Variants in TENM3 observed in about 807,000 individuals in gnomAD.
TENM3 encodes teneurin transmembrane protein 3.
In TENM3, 63 loss-of-function variants were observed where a neutral mutation model predicts 255.1. That is an observed-to-expected ratio of 0.25 (90% CI 0.20 to 0.30). TENM3 has a LOEUF of 0.30. Ranked by LOEUF, TENM3 falls within the 10% of genes least tolerant of loss-of-function variation. The pLI, the probability that TENM3 is intolerant of heterozygous loss-of-function variation, is 1.00. For synonymous variants in TENM3, 1,306 were observed against 1,322.3 expected, an observed-to-expected ratio of 0.99 and a Z score of 0.27; for missense variants, 2,929 against 3,461.1, an observed-to-expected ratio of 0.85 and a Z score of 3.86.
At chr4:181,940,169 G>GT in the TENM3 span, among the ~76,000 whole-genome samples, 3 of 152,180 alleles carry the variant, frequency 2.0e-5, no homozygotes, top group Non-Finnish European at 4.4e-5. Context: ...CATACACAAA[G>GT]TGTCTTGTTT....
At chr4:182,539,738 C>T (rs1339237182) in intron 3 of TENM3, among the ~76,000 whole-genome samples, 1 of 152,178 alleles carries the variant, frequency 6.6e-6, no homozygotes, top group Non-Finnish European at 1.5e-5. Context: ...ATGTGTCATG[C>T]ACTGTTCTAG....
chr4:182,154,291 C>T (rs1303526554), intron 1 of TENM3, among the ~76,000 whole-genome samples: 1 of 151,842 alleles, frequency 6.6e-6, no homozygotes, highest in African/African-American at 2.4e-5. Context: ...AAAAGAATAG[C>T]CCATCGGGGA....
chr4:182,797,013 G>C lies in TENM3; in HGVS notation c.7344+246G>C, dbSNP rs190729393. Among the ~76,000 whole-genome samples, 73 of 152,302 alleles carry C rather than the reference G, an allele frequency of 4.8e-4. No individual in the cohort carries two copies. The East Asian group carries it at 0.014, about 29-fold the overall frequency. ...GAAATGCAGAAGCTCACTTTCGAGTGCTGGGTTTCTAAAAAGAACCCCAAG... is the reference window on the plus strand; with the variant it reads ...GAAATGCAGAAGCTCACTTTCGAGTCCTGGGTTTCTAAAAAGAACCCCAAG... On this transcript the variant is annotated intron_variant, in intron 27 of 27. Transcript: ENST00000511685.
chr4:181,705,553 A>T, the TENM3 span, among the ~76,000 whole-genome samples: 389 of 152,088 alleles, frequency 2.6e-3, no homozygotes, highest in Admixed American at 3.9e-3. Context: ...AAACCATGAC[A>T]TTCAATCTTA....
At chr4:181,876,030 C>G in the TENM3 span, among the ~76,000 whole-genome samples, 1 of 152,214 alleles carries the variant, frequency 6.6e-6, no homozygotes, top group Non-Finnish European at 1.5e-5. Context: ...ACAATGTCCT[C>G]TGGACTATAT....
At chr4:182,174,692 A>G (rs1165518502) in intron 1 of TENM3, among the ~76,000 whole-genome samples, 1 of 151,978 alleles carries the variant, frequency 6.6e-6, no homozygotes, top group Non-Finnish European at 1.5e-5. Context: ...AAACTGGAGA[A>G]CTCTAGTCCA....
the TENM3 span, among the ~76,000 whole-genome samples, chr4:181,561,909 G>C: frequency 1.3e-5 from 2 of 152,150 alleles, no homozygotes; most frequent in Non-Finnish European, 2.9e-5. Context: ...CCTCCAACTC[G>C]CAGGATGGGA....
At chr4:181,923,015 G>A in the TENM3 span, among the ~76,000 whole-genome samples, 6 of 152,142 alleles carry the variant, frequency 3.9e-5, no homozygotes, top group African/African-American at 1.4e-4. Flanking sequence ...TCAGGAGCAG[G>A]TTGTTCAGTT....
At chr4:181,646,477 TAGGATCATGGGGCA>T in the TENM3 span, among the ~76,000 whole-genome samples, 2 of 152,274 alleles carry the variant, frequency 1.3e-5, no homozygotes, top group African/African-American at 4.8e-5. Context: ...AAATGATTTC[TAGGATCATGGGGCA>T]AGGAGCATTC....
chr4:182,101,202 A>G, the TENM3 span, among the ~76,000 whole-genome samples: 7 of 35,718 alleles, frequency 2.0e-4, 1 homozygote, highest in African/African-American at 2.9e-4. Flanking sequence ...GAGGAAGGAA[A>G]GAAGGGAGGG....
Position 182,601,120 on chromosome 4 carries a change from G to A in TENM3, c.708G>A (p.Gln236=), listed in dbSNP as rs771777476. 1 of 1,613,784 alleles carries A rather than the reference G, an allele frequency of 6.2e-7. No individual in the cohort carries two copies. The highest frequency in any genetic ancestry group is 8.5e-7 in the Non-Finnish European group (1 of 1,179,828). Residue 236 remains glutamine (Q), a synonymous_variant, in exon 4 of 28, where the codon CAG becomes CAA. Transcript: ENST00000511685. The part of the protein sequence containing the change: ...LQTTPESVQL[Q]DSWVLGSNVP... ...CCACACCCGAGTCCGTCCAGCTGCAGGACAGCTGGGTCCTTGGCAGTAATG... is the reference window on the plus strand; with the variant it reads ...CCACACCCGAGTCCGTCCAGCTGCAAGACAGCTGGGTCCTTGGCAGTAATG...
chr4:182,639,296 A>G (rs1475118874), intron 5 of TENM3, among the ~76,000 whole-genome samples: 3 of 152,196 alleles, frequency 2.0e-5, no homozygotes, highest in Admixed American at 6.5e-5. Context: ...TAACTATGTA[A>G]TCTTGAACAG....
intron 3 of TENM3, among the ~76,000 whole-genome samples, chr4:182,497,277 T>G (rs1735867187): frequency 6.6e-6 from 1 of 152,114 alleles, no homozygotes; most frequent in African/African-American, 2.4e-5. Flanking sequence ...GGCCTTGATC[T>G]CCTGACCTAG....
intron 1 of TENM3, among the ~76,000 whole-genome samples, chr4:182,216,407 T>G (rs975693403): frequency 1.3e-5 from 2 of 152,210 alleles, no homozygotes; most frequent in Non-Finnish European, 2.9e-5. Flanking sequence ...GCAGTTCCAC[T>G]GCACTAGATC....
At chr4:181,784,538 T>C in the TENM3 span, among the ~76,000 whole-genome samples, 5 of 152,196 alleles carry the variant, frequency 3.3e-5, no homozygotes, top group Admixed American at 3.3e-4. Flanking sequence ...GTTGTGTTTT[T>C]ATTTATAGTT....
At chr4:182,798,666 T>G (rs903932355) in intron 27 of TENM3, among the ~76,000 whole-genome samples, 1 of 152,212 alleles carries the variant, frequency 6.6e-6, no homozygotes, top group African/African-American at 2.4e-5. Context: ...CCAACATGCC[T>G]GAAAACACCT....
chr4:181,566,362 A>G, the TENM3 span, among the ~76,000 whole-genome samples: 7 of 152,222 alleles, frequency 4.6e-5, no homozygotes, highest in Non-Finnish European at 8.8e-5. Context: ...GACCTTTGCC[A>G]ATGAACTCAA....
chr4:182,708,889 G>A (rs1401188867), intron 12 of TENM3, among the ~76,000 whole-genome samples: 4 of 151,996 alleles, frequency 2.6e-5, no homozygotes, highest in African/African-American at 9.7e-5. Flanking sequence ...TGTGTCCCAC[G>A]TGGGTGTTCT....
the TENM3 span, among the ~76,000 whole-genome samples, chr4:181,620,002 C>T: frequency 1.3e-5 from 2 of 152,062 alleles, no homozygotes; most frequent in Non-Finnish European, 2.9e-5. Context: ...TTAAAATATG[C>T]TCTTCTCCCT....
Sources: allele counts gnomAD v4.1 joint callset (sites outside exome capture counted in the v4.1 genomes callset), GRCh38; gene constraint gnomAD v4.1.1; transcripts MANE v1.5; gene names NCBI Gene and HGNC (gene_info 2026-07-23, HGNC 2026-07-21).